DLGAP1: variants seen among roughly 807,000 people sequenced by gnomAD.
DLGAP1 encodes DLG associated protein 1.
DLGAP1 carries 11 observed loss-of-function variants against 90.8 expected under a neutral mutation model. That is an observed-to-expected ratio of 0.12 (90% CI 0.08 to 0.20). The LOEUF (loss-of-function observed/expected upper bound fraction) is 0.20, where lower values mean the gene tolerates loss of function less well. Ranked by LOEUF, DLGAP1 falls within the 10% of genes least tolerant of loss-of-function variation. The pLI, the probability that DLGAP1 is intolerant of heterozygous loss-of-function variation, is 1.00. For synonymous variants in DLGAP1, 558 were observed against 540.7 expected (o/e 1.03, Z -0.44); for missense variants, 1,050 against 1,333.8 (o/e 0.79, Z 3.31).
intron 1 of DLGAP1, among the ~76,000 whole-genome samples, chr18:4,243,603 T>C (rs1568468255): frequency 6.6e-6 from 1 of 152,188 alleles, no homozygotes; most frequent in East Asian, 1.9e-4. Flanking sequence ...CAAATTTGAA[T>C]ACAAAACAAA....
Position 3,685,144 on chromosome 18 carries a change from G to A in DLGAP1, c.1591+43991C>T, listed in dbSNP as rs143202102. 3.1e-3 allele frequency among the ~76,000 whole-genome samples: 473 copies of A among 152,236 alleles called. 2 individuals carry two copies. Among genetic ancestry groups the A allele is most frequent in the African/African-American group, 0.011 (439 of 41,544 alleles). On this transcript the variant is annotated intron_variant, in intron 7 of 12. Transcript: ENST00000315677. ...TGATTTTAGTTATTGCCTTAATAAGGTTTTTTGGTAAATGTATCACATGGT... is the reference window on the plus strand; with the variant it reads ...TGATTTTAGTTATTGCCTTAATAAGATTTTTTGGTAAATGTATCACATGGT...
At chr18:4,096,192 T>C (rs2075675778) in intron 2 of DLGAP1, among the ~76,000 whole-genome samples, 1 of 151,988 alleles carries the variant, frequency 6.6e-6, no homozygotes, top group African/African-American at 2.4e-5. Flanking sequence ...CGCTTGGCTA[T>C]TTTTTGTATT....
At chr18:4,402,097 G>A (rs1332811053) in intron 1 of DLGAP1, among the ~76,000 whole-genome samples, 1 of 152,170 alleles carries the variant, frequency 6.6e-6, no homozygotes, top group Non-Finnish European at 1.5e-5. Context: ...ATAGCAGGGG[G>A]CTACTGATTA....
chr18:3,869,319 C>T (rs1165511878), intron 4 of DLGAP1, among the ~76,000 whole-genome samples: 1 of 152,106 alleles, frequency 6.6e-6, no homozygotes, highest in Non-Finnish European at 1.5e-5. Flanking sequence ...CTCAGCACTT[C>T]GGGAGGCCGA....
intron 1 of DLGAP1, among the ~76,000 whole-genome samples, chr18:4,175,141 T>C (rs2077085554): frequency 6.6e-6 from 1 of 152,238 alleles, no homozygotes; most frequent in South Asian, 2.1e-4. Context: ...GGTATCTCAT[T>C]GAGGTTTTGA....
intron 1 of DLGAP1, among the ~76,000 whole-genome samples, chr18:4,203,891 A>T (rs1568449029): frequency 6.6e-6 from 1 of 152,222 alleles, no homozygotes; most frequent in Non-Finnish European, 1.5e-5. Context: ...ACTCAGCCCG[A>T]GGAGGTCAGA....
At chr18:3,797,005 G>C (rs1451981548) in intron 5 of DLGAP1, among the ~76,000 whole-genome samples, 1 of 152,146 alleles carries the variant, frequency 6.6e-6, no homozygotes, top group Non-Finnish European at 1.5e-5. Flanking sequence ...TCACAAGGGT[G>C]AGAACTTCAT....
intron 1 of DLGAP1, among the ~76,000 whole-genome samples, chr18:4,424,208 T>C (rs764489620): frequency 1.1e-4 from 17 of 152,116 alleles, no homozygotes; most frequent in Non-Finnish European, 2.2e-4. Flanking sequence ...TATGAAGTCA[T>C]ATGAATTTAC....
intron 3 of DLGAP1, among the ~76,000 whole-genome samples, chr18:3,947,163 A>G (rs1423804719): frequency 1.3e-5 from 2 of 152,198 alleles, no homozygotes; most frequent in Admixed American, 1.3e-4. Flanking sequence ...TGGGTTGGGT[A>G]TAGACCAGTG....
At chr18:4,138,257 C>T (rs145468982) in intron 2 of DLGAP1, among the ~76,000 whole-genome samples, 255 of 152,030 alleles carry the variant, frequency 1.7e-3, no homozygotes, top group African/African-American at 5.9e-3. Flanking sequence ...GTCGTACACA[C>T]CTTTTATTGT....
Position 4,377,201 on chromosome 18 carries a change from C to G in DLGAP1, c.-267+77805G>C, listed in dbSNP as rs1048549723. Reference sequence around the variant, plus strand: ...ATGGCTACATTTGTGGATGATGCTCCCTCTAGAACTGGATGCACAAGAGAA... The same window carrying G: ...ATGGCTACATTTGTGGATGATGCTCGCTCTAGAACTGGATGCACAAGAGAA... On this transcript the variant is annotated intron_variant, in intron 1 of 12. Transcript: ENST00000315677. 5.9e-5 allele frequency among the ~76,000 whole-genome samples: 9 copies of G among 152,124 alleles called. 1 individual carries two copies. Among genetic ancestry groups the G allele is most frequent in the East Asian group, 3.9e-4 (2 of 5,166 alleles).
At chr18:3,699,132 A>G (rs2061192572) in intron 7 of DLGAP1, among the ~76,000 whole-genome samples, 1 of 152,006 alleles carries the variant, frequency 6.6e-6, no homozygotes, top group Admixed American at 6.6e-5. Flanking sequence ...CAACTTCTGA[A>G]GCCTACTTCC....
intron 4 of DLGAP1, among the ~76,000 whole-genome samples, chr18:3,819,090 T>A (rs887447122): frequency 1.5e-4 from 22 of 151,450 alleles, no homozygotes; most frequent in African/African-American, 5.3e-4. Context: ...GACGGGCAGA[T>A]CATGAGGCAA....
At chr18:4,353,394 G>A (rs2081439920) in intron 1 of DLGAP1, among the ~76,000 whole-genome samples, 1 of 152,104 alleles carries the variant, frequency 6.6e-6, no homozygotes, top group Non-Finnish European at 1.5e-5. Context: ...TTATTACAAG[G>A]ACCTTCGAAA....
At chr18:4,299,463 C>A (rs1427064341) in intron 1 of DLGAP1, among the ~76,000 whole-genome samples, 1 of 152,134 alleles carries the variant, frequency 6.6e-6, no homozygotes, top group African/African-American at 2.4e-5. Flanking sequence ...AGAGTTTCCT[C>A]AATTTCAAAT....
At chr18:3,887,477 T>C (rs930582389) in intron 3 of DLGAP1, among the ~76,000 whole-genome samples, 1 of 152,044 alleles carries the variant, frequency 6.6e-6, no homozygotes, top group African/African-American at 2.4e-5. Flanking sequence ...AAAGAAGCAA[T>C]GATTTCTTGC....
chr18:4,399,456 CTG>C lies in DLGAP1; in HGVS notation c.-267+55548_-267+55549del, dbSNP rs2082506005. On this transcript the variant is annotated intron_variant, in intron 1 of 12. Transcript: ENST00000315677. The stretch of plus-strand genomic sequence containing the variant: ...GAATCCCATCTTACAGGTGATGAAA[CTG>C]AGCGTCAGAACGCTTATCTGTCCAA... 2.0e-5 allele frequency among the ~76,000 whole-genome samples: 3 copies of C among 152,300 alleles called. No individual in the cohort carries two copies. The South Asian group carries it at 6.2e-4, about 32-fold the overall frequency.
intron 8 of DLGAP1, chr18:3,580,613 G>C (rs2055438175): frequency 6.3e-7 from 1 of 1,589,880 alleles, no homozygotes; most frequent in African/African-American, 1.3e-5. Flanking sequence ...TGGACTGGAA[G>C]AATGTGCCGG....
chr18:3,901,579 A>G (rs1176133887), intron 3 of DLGAP1, among the ~76,000 whole-genome samples: 1 of 152,144 alleles, frequency 6.6e-6, no homozygotes, highest in Non-Finnish European at 1.5e-5. Flanking sequence ...GTCAGCACAT[A>G]GATATGGTGA....
Sources: allele counts gnomAD v4.1 joint callset (sites outside exome capture counted in the v4.1 genomes callset), GRCh38; gene constraint gnomAD v4.1.1; transcripts MANE v1.5; gene names NCBI Gene and HGNC (gene_info 2026-07-23, HGNC 2026-07-21).